Variants in SPRYD7 observed in about 807,000 individuals in gnomAD.
SPRYD7 encodes SPRY domain-containing protein 7.
SPRYD7 carries 14 observed loss-of-function variants against 23.8 expected under a neutral mutation model. That is an observed-to-expected ratio of 0.59 (90% confidence interval 0.39 to 0.92). The LOEUF (loss-of-function observed/expected upper bound fraction) is 0.92, where lower values mean the gene tolerates loss of function less well. Among genes scored for constraint, SPRYD7 ranks in the 40% least tolerant of loss-of-function variants. The pLI, the probability that SPRYD7 is intolerant of heterozygous loss-of-function variation, is 0.00. For missense variants in SPRYD7, 194 were observed against 241.7 expected (o/e 0.80, Z 1.31); for synonymous variants, 75 against 84.9 (o/e 0.88, Z 0.64).
In SPRYD7 at chr13:49,913,688, A is replaced by C. The variant is rs1955719116; in HGVS notation, c.*1375T>G. On this transcript the variant is annotated 3_prime_UTR_variant, in exon 5 of 5. Transcript: ENST00000361840. ...CAGGCGCCCGCCACCACACCTGGCTAATTTTTTTTGTATTTTTTTAGTAGA... is the reference window on the plus strand; with the variant it reads ...CAGGCGCCCGCCACCACACCTGGCTCATTTTTTTTGTATTTTTTTAGTAGA... The C allele has an allele frequency of 6.6e-6, 1 of 151,590 alleles. No homozygotes were observed. The highest frequency in any genetic ancestry group is 2.4e-5 in the African/African-American group (1 of 41,284). 9.4% of individuals were successfully genotyped at this position (151,590 alleles called of 1,614,324 possible).
At chr13:49,925,741 G>A (rs1444456402) in intron 3 of SPRYD7, among the ~76,000 whole-genome samples, 1 of 151,872 alleles carries the variant, frequency 6.6e-6, no homozygotes, top group Non-Finnish European at 1.5e-5. Flanking sequence ...GAACCCAGGA[G>A]GTGTAGCTTG....
At chr13:49,930,366 G>A (rs1955933874) in intron 2 of SPRYD7, among the ~76,000 whole-genome samples, 1 of 152,110 alleles carries the variant, frequency 6.6e-6, no homozygotes, top group African/African-American at 2.4e-5. Flanking sequence ...CAGATCACAA[G>A]ATCAGGAGTT....
chr13:49,923,503 C>T (rs1386798186), intron 3 of SPRYD7, among the ~76,000 whole-genome samples: 2 of 152,212 alleles, frequency 1.3e-5, no homozygotes, highest in East Asian at 1.9e-4. Context: ...CTCGGTCTCC[C>T]AAAATGCGGA....
Position 49,918,968 on chromosome 13 carries a change from G to A in SPRYD7, c.493+2510C>T, listed in dbSNP as rs370015399. On this transcript the variant is annotated intron_variant, in intron 4 of 4. Coordinates refer to ENST00000361840, the MANE Select transcript of SPRYD7 (RefSeq NM_020456.4). ...TGACATCAAGTGATCCACCGGCTTCGGCCTCCCAAAGTGTTGGGATTATAG... is the reference window on the plus strand; with the variant it reads ...TGACATCAAGTGATCCACCGGCTTCAGCCTCCCAAAGTGTTGGGATTATAG... Among the ~76,000 whole-genome samples the A allele has an allele frequency of 3.4e-4, 51 of 151,480 alleles. No individual in the cohort carries two copies. The South Asian group carries it at 9.4e-3, about 28-fold the overall frequency.
chr13:49,919,807 TAAAA>T (rs76372615), intron 4 of SPRYD7, among the ~76,000 whole-genome samples: 1 of 135,654 alleles, frequency 7.4e-6, no homozygotes, highest in Non-Finnish European at 1.6e-5. Context: ...TATGTTTTTC[TAAAA>T]AAAAAAAAAG....
chr13:49,921,943 A>G (rs1411419636), intron 3 of SPRYD7, among the ~76,000 whole-genome samples: 1 of 152,208 alleles, frequency 6.6e-6, no homozygotes, highest in African/African-American at 2.4e-5. Flanking sequence ...CTTTCTCTAC[A>G]GAATTTGATC....
intron 3 of SPRYD7, among the ~76,000 whole-genome samples, chr13:49,925,729 G>T (rs1390474356): frequency 6.6e-6 from 1 of 150,452 alleles, no homozygotes; most frequent in Non-Finnish European, 1.5e-5. Context: ...GGAGTATGGC[G>T]TGAACCCAGG....
intron 1 of SPRYD7, 88 bp downstream of exon 1, chr13:49,936,042 C>A: frequency 3.8e-6 from 3 of 787,350 alleles, no homozygotes; most frequent in Non-Finnish European, 5.5e-6. Context: ...GGCGGGGCAG[C>A]GTGGGGACCC....
intron 3 of SPRYD7, among the ~76,000 whole-genome samples, chr13:49,926,999 A>C (rs1955889159): frequency 6.6e-6 from 1 of 152,226 alleles, no homozygotes; most frequent in African/African-American, 2.4e-5. Context: ...AAATATAGCC[A>C]GTTAGGAGTA....
intron 4 of SPRYD7, among the ~76,000 whole-genome samples, chr13:49,916,593 G>GA (rs1955754395): frequency 6.7e-6 from 1 of 148,362 alleles, no homozygotes; most frequent in Non-Finnish European, 1.5e-5. Flanking sequence ...ATGTACCCCC[G>GA]AACCTAAATG....
intron 1 of SPRYD7, 29 bp from the exon 2 acceptor site, chr13:49,931,163 A>G (rs749320675): frequency 7.2e-7 from 1 of 1,398,496 alleles, no homozygotes; most frequent in Non-Finnish European, 1.0e-6. Flanking sequence ...CACTATGTAA[A>G]GTTTTGTATT....
chr13:49,928,172 G>C (rs1955905529), intron 2 of SPRYD7, 87 bp from the exon 3 acceptor site: 2 of 1,202,070 alleles, frequency 1.7e-6, no homozygotes, highest in Admixed American at 4.5e-5. Context: ...CTTTTTAAAG[G>C]AAGTGCTGTA....
intron 4 of SPRYD7, 26 bp from the exon 5 acceptor site, chr13:49,915,186 T>C (rs1421965121): frequency 1.7e-6 from 2 of 1,162,162 alleles, no homozygotes; most frequent in Non-Finnish European, 1.2e-6. Context: ...AGAAAGAAAA[T>C]AAATTAGAAG....
intron 4 of SPRYD7, among the ~76,000 whole-genome samples, chr13:49,917,022 T>G (rs1000878383): frequency 3.3e-5 from 5 of 152,340 alleles, no homozygotes; most frequent in African/African-American, 1.2e-4. Context: ...ACAGAATGCA[T>G]AGACATGCAC....
chr13:49,917,604 T>C (rs547306312), intron 4 of SPRYD7, among the ~76,000 whole-genome samples: 23 of 152,368 alleles, frequency 1.5e-4, no homozygotes, highest in African/African-American at 5.0e-4. Flanking sequence ...ATTGGACTGA[T>C]TTATGAGTTC....
intron 3 of SPRYD7, among the ~76,000 whole-genome samples, chr13:49,924,282 C>T (rs1293295158): frequency 2.6e-5 from 4 of 151,638 alleles, no homozygotes; most frequent in African/African-American, 4.8e-5. Flanking sequence ...CCACCGCACC[C>T]GGCCAGAGAC....
At chr13:49,925,408 G>A (rs958842895) in intron 3 of SPRYD7, among the ~76,000 whole-genome samples, 1 of 151,900 alleles carries the variant, frequency 6.6e-6, no homozygotes, top group East Asian at 1.9e-4. Context: ...TAAATGCTTA[G>A]AAGTGTTTGT....
intron 3 of SPRYD7, among the ~76,000 whole-genome samples, chr13:49,926,856 T>C (rs1368577040): frequency 6.6e-6 from 1 of 152,174 alleles, no homozygotes; most frequent in African/African-American, 2.4e-5. Flanking sequence ...ACTCTAGGAC[T>C]CTGTTCTAAA....
intron 4 of SPRYD7, among the ~76,000 whole-genome samples, chr13:49,919,235 G>A (rs559713471): frequency 6.6e-6 from 1 of 151,392 alleles, no homozygotes; most frequent in Admixed American, 6.6e-5. Context: ...TGGCCAACAT[G>A]GTGAAACCCC....
Sources: allele counts gnomAD v4.1 joint callset (sites outside exome capture counted in the v4.1 genomes callset), GRCh38; gene constraint gnomAD v4.1.1; transcripts MANE v1.5; gene names NCBI Gene and HGNC (gene_info 2026-07-23, HGNC 2026-07-21).